The following RYR2 variants were observed in gnomAD, a reference collection of about 807,000 sequenced individuals.
RYR2 encodes cardiac muscle ryanodine receptor-calcium release channel.
A neutral mutation model predicts 601.1 loss-of-function variants in RYR2; 227 were observed. The observed-to-expected ratio is 0.38, with a 90% CI of 0.34 to 0.42. The LOEUF (loss-of-function observed/expected upper bound fraction) is 0.42. RYR2 is among the 10% of genes least tolerant of loss of function. The pLI, the probability that RYR2 is intolerant of heterozygous loss-of-function variation, is 1.00. For missense variants in RYR2, 4,646 were observed against 6,156.5 expected (o/e 0.75, Z 8.21); for synonymous variants, 2,223 against 2,175.1 (o/e 1.02, Z -0.61).
At chr1:237,779,318 G>A (rs1694911341) in intron 88 of RYR2, among the ~76,000 whole-genome samples, 1 of 152,124 alleles carries the variant, frequency 6.6e-6, no homozygotes, top group South Asian at 2.1e-4. Context: ...GTTAACTTGA[G>A]GGCTATTGAA....
chr1:237,053,478 C>T (rs538331158), intron 1 of RYR2, among the ~76,000 whole-genome samples: 1 of 152,320 alleles, frequency 6.6e-6, no homozygotes, highest in Admixed American at 6.5e-5. Context: ...TGAAGAATTG[C>T]ATCACACAGA....
At chr1:237,563,274 G>A (rs1157772703) in intron 27 of RYR2, among the ~76,000 whole-genome samples, 2 of 151,970 alleles carry the variant, frequency 1.3e-5, no homozygotes, top group African/African-American at 4.8e-5. Flanking sequence ...GGGCTTGGAT[G>A]GTGGCACATG....
At chr1:237,233,047 T>C (rs1461412819) in intron 1 of RYR2, among the ~76,000 whole-genome samples, 2 of 152,180 alleles carry the variant, frequency 1.3e-5, no homozygotes, top group African/African-American at 2.4e-5. Flanking sequence ...TATGCATAAA[T>C]GATATTTTTA....
At chr1:237,173,295 A>G (rs1162443861) in intron 1 of RYR2, among the ~76,000 whole-genome samples, 6 of 152,178 alleles carry the variant, frequency 3.9e-5, no homozygotes, top group African/African-American at 1.4e-4. Context: ...TTGAAATTGA[A>G]GACAATTGGT....
intron 27 of RYR2, among the ~76,000 whole-genome samples, chr1:237,555,397 G>C (rs1670782232): frequency 6.6e-6 from 1 of 152,016 alleles, no homozygotes; most frequent in African/African-American, 2.4e-5. Flanking sequence ...AGTGATGACA[G>C]TCAATATATT....
At chr1:237,518,028 T>G (rs1666729429) in intron 24 of RYR2, among the ~76,000 whole-genome samples, 1 of 152,186 alleles carries the variant, frequency 6.6e-6, no homozygotes, top group Non-Finnish European at 1.5e-5. Flanking sequence ...GGAGTCATCC[T>G]GGACACATCC....
At chr1:237,490,743 C>G (rs535388089) in intron 17 of RYR2, among the ~76,000 whole-genome samples, 5 of 152,194 alleles carry the variant, frequency 3.3e-5, no homozygotes, top group Non-Finnish European at 7.3e-5. Context: ...TTAGCATTAA[C>G]AGTCCTCGTT....
At chr1:237,538,009 G>A (rs940766530) in intron 25 of RYR2, among the ~76,000 whole-genome samples, 1 of 152,064 alleles carries the variant, frequency 6.6e-6, no homozygotes, top group Non-Finnish European at 1.5e-5. Context: ...TAATAACAAA[G>A]AGGTGATTGA....
At chr1:237,170,225 C>T (rs1187005499) in intron 1 of RYR2, among the ~76,000 whole-genome samples, 1 of 152,098 alleles carries the variant, frequency 6.6e-6, no homozygotes, top group Non-Finnish European at 1.5e-5. Flanking sequence ...TATGGATGTG[C>T]CATTTGGTTT....
At chr1:237,562,982 T>A (rs2148212764) in intron 27 of RYR2, among the ~76,000 whole-genome samples, 1 of 152,336 alleles carries the variant, frequency 6.6e-6, no homozygotes, top group Non-Finnish European at 1.5e-5. Context: ...TGTTACGGAT[T>A]GCTTGGATCT....
At chr1:237,176,898 CTG>C (rs1252246671) in intron 1 of RYR2, among the ~76,000 whole-genome samples, 2 of 152,132 alleles carry the variant, frequency 1.3e-5, no homozygotes, top group Non-Finnish European at 2.9e-5. Context: ...TTCAAGAAAA[CTG>C]TGTATCTACA....
intron 1 of RYR2, among the ~76,000 whole-genome samples, chr1:237,124,017 TTTATG>T (rs1333619279): frequency 6.6e-6 from 1 of 152,192 alleles, no homozygotes; most frequent in East Asian, 1.9e-4. Flanking sequence ...GAGAAACTGT[TTTATG>T]TTATCATCTC....
chr1:237,361,448 T>C (rs1309454711), intron 4 of RYR2, among the ~76,000 whole-genome samples: 1 of 152,132 alleles, frequency 6.6e-6, no homozygotes, highest in African/African-American at 2.4e-5. Flanking sequence ...AGGCTTAAAT[T>C]TGATGTATAT....
At chr1:237,769,796 T>C (rs544523358) in intron 84 of RYR2, among the ~76,000 whole-genome samples, 1 of 152,210 alleles carries the variant, frequency 6.6e-6, no homozygotes, top group East Asian at 1.9e-4. Flanking sequence ...TTTTGTCATT[T>C]TGCTTTCTAA....
intron 12 of RYR2, among the ~76,000 whole-genome samples, chr1:237,440,239 GT>G (rs1420510491): frequency 2.0e-5 from 3 of 152,100 alleles, no homozygotes; most frequent in Admixed American, 2.0e-4. Context: ...AAAATTGTTC[GT>G]TTTTGTTTAG....
intron 1 of RYR2, among the ~76,000 whole-genome samples, chr1:237,243,716 G>A (rs961119715): frequency 6.6e-6 from 1 of 152,200 alleles, no homozygotes; most frequent in East Asian, 1.9e-4. Flanking sequence ...GGTGAAAGGA[G>A]GGAGGAGAAG....
At chr1:237,295,041 C>G (rs1032306206) in intron 2 of RYR2, among the ~76,000 whole-genome samples, 1 of 151,986 alleles carries the variant, frequency 6.6e-6, no homozygotes, top group Non-Finnish European at 1.5e-5. Flanking sequence ...TGGCAAAACC[C>G]CGTCTCTCCA....
At chr1:237,085,782 C>G (rs2148427597) in intron 1 of RYR2, among the ~76,000 whole-genome samples, 1 of 152,230 alleles carries the variant, frequency 6.6e-6, no homozygotes, top group Admixed American at 6.5e-5. Context: ...GGAGGTGTCC[C>G]TCTGTCACCC....
In RYR2 at chr1:237,705,285, T is replaced by A. The variant is rs776330796; in HGVS notation, c.9522T>A (p.His3174Gln). The A allele has an allele frequency of 1.9e-6, 3 of 1,605,072 alleles. No homozygotes were observed. In the East Asian group the frequency reaches 6.7e-5, roughly 36 times the overall value. Residue 3174 changes from histidine (H) to glutamine (Q), a missense_variant, in exon 67 of 105, where the codon CAT becomes CAA. Physicochemically the swap from His to Gln is conservative, Grantham distance 24 (BLOSUM62 0). Around this residue, in one of 17 missense-constraint regions of RYR2, gnomAD observed 1,497 missense variants for 1,842.6 expected, o/e 0.81. Transcript: ENST00000366574. Reference protein sequence around the residue: ...GAFPVAFLETHLDKHNIYSIY... With the variant: ...GAFPVAFLETQLDKHNIYSIY... ...TTCCTGTAGCATTTTTGGAAACTCA[T>A]CTGGACAAACATAATATTTACTCCA...
Sources: allele counts gnomAD v4.1 joint callset (sites outside exome capture counted in the v4.1 genomes callset), GRCh38; gene constraint gnomAD v4.1.1; regional missense constraint gnomAD v4.1.1; transcripts MANE v1.5; gene names NCBI Gene and HGNC (gene_info 2026-07-23, HGNC 2026-07-21).